C1QTNF3: variants seen among roughly 807,000 people sequenced by gnomAD.
C1QTNF3 encodes complement C1q tumor necrosis factor-related protein 3.
In C1QTNF3, 26 loss-of-function variants were observed where a neutral mutation model predicts 32.6. That is an observed-to-expected ratio of 0.80 (90% CI 0.58 to 1.11). The LOEUF is 1.11. Ranked by LOEUF, C1QTNF3 falls within the 50% of genes least tolerant of loss-of-function variation. The pLI, the probability that C1QTNF3 is intolerant of heterozygous loss-of-function variation, is 0.00. For missense variants in C1QTNF3, 362 were observed against 398.2 expected, an observed-to-expected ratio of 0.91 and a Z score of 0.77; for synonymous variants, 155 against 146.0, an observed-to-expected ratio of 1.06 and a Z score of -0.44.
At chr5:34,163,437 TTG>T in the C1QTNF3 span, among the ~76,000 whole-genome samples, 3 of 151,192 alleles carry the variant, frequency 2.0e-5, no homozygotes, top group African/African-American at 7.3e-5. Context: ...ATTATTATAT[TTG>T]TATTTTAATA....
chr5:34,236,032 TG>T, the C1QTNF3 span, among the ~76,000 whole-genome samples: 1 of 152,180 alleles, frequency 6.6e-6, no homozygotes, highest in Non-Finnish European at 1.5e-5. Flanking sequence ...ACTGTAGAAT[TG>T]GCCACTCCAG....
At chr5:34,076,638 A>G in the C1QTNF3 span, among the ~76,000 whole-genome samples, 1 of 151,688 alleles carries the variant, frequency 6.6e-6, no homozygotes, top group African/African-American at 2.4e-5. Context: ...TTTCAAGGAC[A>G]TGTATGTTCA....
chr5:34,132,786 T>C, the C1QTNF3 span, among the ~76,000 whole-genome samples: 5 of 152,170 alleles, frequency 3.3e-5, no homozygotes, highest in Admixed American at 1.3e-4. Context: ...TCCGATATCT[T>C]CCTTTCTCCC....
At chr5:34,084,929 T>C in the C1QTNF3 span, among the ~76,000 whole-genome samples, 15 of 149,394 alleles carry the variant, frequency 1.0e-4, no homozygotes, top group Admixed American at 5.9e-4. Context: ...ATGTCCTGAA[T>C]AGTACTGCCT....
At chr5:34,082,960 G>T in the C1QTNF3 span, among the ~76,000 whole-genome samples, 1 of 151,380 alleles carries the variant, frequency 6.6e-6, no homozygotes, top group East Asian at 1.9e-4. Context: ...GTACAAATGT[G>T]GAATTATTTC....
At chr5:34,139,622 CA>C in the C1QTNF3 span, among the ~76,000 whole-genome samples, 5 of 152,070 alleles carry the variant, frequency 3.3e-5, no homozygotes. Flanking sequence ...TTTTACTTGA[CA>C]AACTGCATCA....
the C1QTNF3 span, chr5:34,158,228 T>C: frequency 6.6e-6 from 1 of 151,496 alleles, no homozygotes; most frequent in Non-Finnish European, 1.5e-5. Context: ...TGCCTCAGCC[T>C]CCCGAGTAGC....
the C1QTNF3 span, among the ~76,000 whole-genome samples, chr5:34,202,673 T>C: frequency 1.3e-5 from 2 of 152,264 alleles, no homozygotes; most frequent in South Asian, 2.1e-4. Flanking sequence ...GATATGTATA[T>C]GTTAACTTTT....
the C1QTNF3 span, among the ~76,000 whole-genome samples, chr5:34,052,690 AG>A: frequency 6.6e-6 from 1 of 152,194 alleles, no homozygotes; most frequent in East Asian, 1.9e-4. Context: ...CTTTCTTCCT[AG>A]CACAGTGCCT....
chr5:34,196,098 T>C, the C1QTNF3 span, among the ~76,000 whole-genome samples: 2 of 152,302 alleles, frequency 1.3e-5, no homozygotes, highest in Non-Finnish European at 2.9e-5. Flanking sequence ...ACTTTGATCT[T>C]GCACTTCCAG....
the C1QTNF3 span, among the ~76,000 whole-genome samples, chr5:34,140,373 C>T: frequency 6.6e-6 from 1 of 151,934 alleles, no homozygotes; most frequent in African/African-American, 2.4e-5. Flanking sequence ...ACTCTGAGTT[C>T]TTAGAGAGGA....
the C1QTNF3 span, among the ~76,000 whole-genome samples, chr5:34,143,253 AC>A: frequency 4.6e-5 from 7 of 152,216 alleles, no homozygotes; most frequent in Non-Finnish European, 8.8e-5. Flanking sequence ...TTTAAAATGA[AC>A]AAAACCTTAG....
chr5:34,171,043 C>A, the C1QTNF3 span, among the ~76,000 whole-genome samples: 1 of 151,868 alleles, frequency 6.6e-6, no homozygotes, highest in Non-Finnish European at 1.5e-5. Context: ...AAAATGGGTT[C>A]CAGGCACACA....
the C1QTNF3 span, among the ~76,000 whole-genome samples, chr5:34,226,524 G>T: frequency 6.6e-6 from 1 of 151,458 alleles, no homozygotes; most frequent in African/African-American, 2.4e-5. Context: ...AGATCTAGAG[G>T]TCTATCAATA....
chr5:34,075,877 GT>G, the C1QTNF3 span, among the ~76,000 whole-genome samples: 58 of 23,952 alleles, frequency 2.4e-3, no homozygotes, highest in African/African-American at 6.8e-3. Flanking sequence ...AACAATTATG[GT>G]GTGTGTGTGT....
At chr5:34,067,469 G>C in the C1QTNF3 span, among the ~76,000 whole-genome samples, 2 of 152,228 alleles carry the variant, frequency 1.3e-5, no homozygotes, top group Non-Finnish European at 2.9e-5. Flanking sequence ...TATCATGGCA[G>C]AAGGCAAGGA....
At chr5:34,057,421 T>C in the C1QTNF3 span, among the ~76,000 whole-genome samples, 1 of 152,182 alleles carries the variant, frequency 6.6e-6, no homozygotes, top group African/African-American at 2.4e-5. Flanking sequence ...GAGTTTTAAA[T>C]GTCACTGGTT....
At chr5:34,085,643 C>T in the C1QTNF3 span, among the ~76,000 whole-genome samples, 1 of 151,656 alleles carries the variant, frequency 6.6e-6, no homozygotes, top group Non-Finnish European at 1.5e-5. Context: ...TGAGCAGACA[C>T]ATCTCCAAAG....
chr5:34,225,467 CTTCT>C, the C1QTNF3 span, among the ~76,000 whole-genome samples: 7 of 151,966 alleles, frequency 4.6e-5, no homozygotes, highest in Middle Eastern at 3.4e-3. Flanking sequence ...CAGTAAATTC[CTTCT>C]TTGTTTATAA....
Sources: gnomAD v4.1 joint callset for allele counts (sites outside exome capture counted in the v4.1 genomes callset) on GRCh38, gnomAD v4.1.1 for gene constraint, MANE v1.5 for transcripts, NCBI Gene and HGNC (gene_info 2026-07-23, HGNC 2026-07-21) for gene names.